MARK3: variants seen among roughly 807,000 people sequenced by gnomAD.
MARK3 encodes the protein microtubule affinity regulating kinase 3, also known as MAP/microtubule affinity-regulating kinase 3.
MARK3 carries 46 observed loss-of-function variants against 90.1 expected under a neutral mutation model. The ratio of observed to expected loss-of-function variants is 0.51; its 90% CI spans 0.40 to 0.65. The LOEUF (loss-of-function observed/expected upper bound fraction) is 0.65. Ranked by LOEUF, MARK3 falls within the 30% of genes least tolerant of loss-of-function variation. The probability of loss-of-function intolerance (pLI) is 0.00; values close to 1 mark genes in which losing one functional copy is unlikely to be tolerated. For synonymous variants in MARK3, 321 were observed against 332.6 expected (o/e 0.97, Z 0.38); for missense variants, 818 against 947.2 (o/e 0.86, Z 1.79).
At chr14:103,484,063 A>C (rs1474406450) in intron 14 of MARK3, among the ~76,000 whole-genome samples, 1 of 152,112 alleles carries the variant, frequency 6.6e-6, no homozygotes, top group East Asian at 1.9e-4. Flanking sequence ...CTACGATTTC[A>C]TATGCTTTAG....
rs758857486 is a variant in MARK3, at chr14:103,386,348, G to A, written c.51+268G>A. 1.0e-4 allele frequency: 72 copies of A among 688,962 alleles called. 1 individual carries two copies. Among genetic ancestry groups the A allele is most frequent in the South Asian group, 1.0e-3 (68 of 66,640 alleles). 42.7% of individuals were successfully genotyped at this position (688,962 alleles called of 1,614,324 possible). A position where few individuals can be genotyped will look rare whatever the true frequency, so the allele number is the denominator to read the frequency against. The stretch of plus-strand genomic sequence containing the variant: ...AGGAGTTGCAGCGTTACGGATCGGT[G>A]CTTTGAGAGGCCAGGTTGCCGCGCA... On this transcript the variant is annotated intron_variant, in intron 1 of 17. Coordinates refer to ENST00000429436, the MANE Select transcript of MARK3 (RefSeq NM_001128918.3).
intron 2 of MARK3, among the ~76,000 whole-genome samples, chr14:103,425,917 A>G (rs1396203827): frequency 2.0e-5 from 3 of 152,176 alleles, no homozygotes; most frequent in Non-Finnish European, 4.4e-5. Flanking sequence ...ACTCATAGGG[A>G]ATAAATAATG....
At chr14:103,479,582 A>G (rs1369575983) in intron 13 of MARK3, among the ~76,000 whole-genome samples, 1 of 150,086 alleles carries the variant, frequency 6.7e-6, no homozygotes, top group Non-Finnish European at 1.5e-5. Context: ...TTTAATGACC[A>G]ATGATATTGG....
At position 103,502,983 on chromosome 14, in the gene MARK3, G is replaced by C. The variant is rs774776047; in HGVS notation, c.2018G>C (p.Gly673Ala). 9 of 1,614,228 alleles carry C rather than the reference G, an allele frequency of 5.6e-6. No individual in the cohort carries two copies. The East Asian group carries it at 2.0e-4, about 36-fold the overall frequency. ...SMKTTSSMDPGDMMREIRKVL... is the reference protein window; with the variant it reads ...SMKTTSSMDPADMMREIRKVL... ...AAAACCACTAGTTCAATGGATCCCG[G>C]GGACATGATGCGGGAAATCCGCAAA... Residue 673 changes from glycine to alanine, a missense_variant, in exon 18 of 18, where the codon GGG (glycine) becomes GCG (alanine). Physicochemically the swap from Gly to Ala is moderately conservative, Grantham distance 60. Around this residue, in one of 3 missense-constraint regions of MARK3, gnomAD observed 560 missense variants for 613.5 expected, o/e 0.91. Transcript: ENST00000429436.
chr14:103,387,740 G>T (rs200409074), intron 1 of MARK3, among the ~76,000 whole-genome samples: 1 of 152,044 alleles, frequency 6.6e-6, no homozygotes, highest in South Asian at 2.1e-4. Context: ...TGATCCACCC[G>T]CCTCGGCTCC....
intron 3 of MARK3, among the ~76,000 whole-genome samples, chr14:103,440,182 C>G (rs1157778108): frequency 6.6e-6 from 1 of 152,110 alleles, no homozygotes; most frequent in Non-Finnish European, 1.5e-5. Context: ...ATGTAGTATC[C>G]CATTATGTGA....
At chr14:103,390,135 C>G (rs2090137470) in intron 1 of MARK3, among the ~76,000 whole-genome samples, 1 of 151,798 alleles carries the variant, frequency 6.6e-6, no homozygotes, top group African/African-American at 2.4e-5. Context: ...GTAGTCCCAG[C>G]TACTCGGGAG....
intron 6 of MARK3, among the ~76,000 whole-genome samples, chr14:103,461,716 G>C (rs2093404486): frequency 6.6e-6 from 1 of 152,174 alleles, no homozygotes; most frequent in South Asian, 2.1e-4. Flanking sequence ...CGCTGGTTTG[G>C]TTTGGAGTTG....
intron 2 of MARK3, among the ~76,000 whole-genome samples, chr14:103,411,951 CTTTT>C (rs56292310): frequency 7.0e-6 from 1 of 143,214 alleles, no homozygotes. Context: ...ATTTTCATAG[CTTTT>C]TTTTTTTTTT....
intron 3 of MARK3, among the ~76,000 whole-genome samples, chr14:103,435,743 G>T (rs2092701511): frequency 6.6e-6 from 1 of 150,958 alleles, no homozygotes; most frequent in African/African-American, 2.4e-5. Context: ...TTGATTGATG[G>T]GGTCTTGTCC....
intron 1 of MARK3, among the ~76,000 whole-genome samples, chr14:103,404,697 A>G (rs2091171993): frequency 6.6e-6 from 1 of 152,126 alleles, no homozygotes; most frequent in African/African-American, 2.4e-5. Flanking sequence ...TATCTAGTGA[A>G]TGGTGACATT....
At chr14:103,471,299 T>C (rs1241838064) in intron 12 of MARK3, among the ~76,000 whole-genome samples, 1 of 151,270 alleles carries the variant, frequency 6.6e-6, no homozygotes, top group African/African-American at 2.5e-5. Flanking sequence ...AGTGCCTTTT[T>C]CCCCCCAGCT....
At chr14:103,429,701 T>C (rs1412174240) in intron 3 of MARK3, among the ~76,000 whole-genome samples, 1 of 152,220 alleles carries the variant, frequency 6.6e-6, no homozygotes, top group Admixed American at 6.5e-5. Context: ...ATTTTATCTA[T>C]TTCCTTAAAC....
At chr14:103,493,890 A>C (rs934568522) in intron 15 of MARK3, among the ~76,000 whole-genome samples, 1 of 151,374 alleles carries the variant, frequency 6.6e-6, no homozygotes, top group Non-Finnish European at 1.5e-5. Flanking sequence ...AAAAAAAAAA[A>C]AAACTTTGAG....
intron 12 of MARK3, among the ~76,000 whole-genome samples, chr14:103,473,038 G>A (rs901250198): frequency 3.3e-5 from 5 of 151,862 alleles, no homozygotes; most frequent in African/African-American, 1.2e-4. Context: ...ACTATGATGT[G>A]CACAACTCAG....
At chr14:103,453,392 C>T (rs868527125) in intron 5 of MARK3, among the ~76,000 whole-genome samples, 3 of 152,124 alleles carry the variant, frequency 2.0e-5, no homozygotes, top group Non-Finnish European at 4.4e-5. Flanking sequence ...TAAACTCTAT[C>T]GTAATTTTAT....
intron 4 of MARK3, among the ~76,000 whole-genome samples, chr14:103,449,242 C>T (rs2093071079): frequency 6.6e-6 from 1 of 150,990 alleles, no homozygotes; most frequent in Non-Finnish European, 1.5e-5. Flanking sequence ...AATTGTATTG[C>T]ATGAGTAGAT....
chr14:103,469,517 C>T (rs1481999394), intron 12 of MARK3, among the ~76,000 whole-genome samples: 1 of 150,842 alleles, frequency 6.6e-6, no homozygotes, highest in African/African-American at 2.4e-5. Flanking sequence ...TGGAATTTTG[C>T]TCTTGTTACC....
chr14:103,483,350 A>T (rs1400381999), intron 14 of MARK3, among the ~76,000 whole-genome samples: 1 of 152,152 alleles, frequency 6.6e-6, no homozygotes, highest in Admixed American at 6.5e-5. Context: ...GTTCATACGG[A>T]ATTTCAACAT....
Sources: gnomAD v4.1 joint callset for allele counts (sites outside exome capture counted in the v4.1 genomes callset) on GRCh38, gnomAD v4.1.1 for gene constraint, gnomAD v4.1.1 regional missense constraint, MANE v1.5 for transcripts, NCBI Gene and HGNC (gene_info 2026-07-23, HGNC 2026-07-21) for gene names.